Variants in HMGCLL1 observed in about 807,000 individuals in gnomAD.
HMGCLL1 encodes 3-hydroxymethyl-3-methylglutaryl-CoA lyase, cytoplasmic.
HMGCLL1 carries 36 observed loss-of-function variants against 39.1 expected under a neutral mutation model. The ratio of observed to expected loss-of-function variants is 0.92; its 90% CI spans 0.71 to 1.22. The LOEUF is 1.22. Among genes scored for constraint, HMGCLL1 ranks in the 50% most tolerant of loss-of-function variants. HMGCLL1 has a pLI of 0.00. For missense variants in HMGCLL1, 451 were observed against 416.5 expected (o/e 1.08, Z -0.72); for synonymous variants, 149 against 144.0 (o/e 1.03, Z -0.25).
chr6:55,656,766 C>A, the HMGCLL1 span, among the ~76,000 whole-genome samples: 3 of 151,914 alleles, frequency 2.0e-5, no homozygotes. Flanking sequence ...AGTTTCTGAA[C>A]ATAGTAATAA....
chr6:55,438,860 T>C (rs965280037), intron 8 of HMGCLL1, among the ~76,000 whole-genome samples: 1 of 152,090 alleles, frequency 6.6e-6, no homozygotes, highest in East Asian at 1.9e-4. Context: ...TTAACAATCA[T>C]AGGGCAAAAC....
chr6:55,602,772 G>T, the HMGCLL1 span, among the ~76,000 whole-genome samples: 1 of 152,064 alleles, frequency 6.6e-6, no homozygotes, highest in South Asian at 2.1e-4. Context: ...AAACCAATTG[G>T]AAATGCATCA....
chr6:55,474,177 T>C (rs1008518576), intron 7 of HMGCLL1, among the ~76,000 whole-genome samples: 2 of 151,588 alleles, frequency 1.3e-5, no homozygotes, highest in African/African-American at 2.4e-5. Flanking sequence ...CTGTCAACGA[T>C]TATTGCTTCA....
intron 7 of HMGCLL1, among the ~76,000 whole-genome samples, chr6:55,494,316 C>CGA (rs1031123878): frequency 1.5e-5 from 2 of 137,160 alleles, no homozygotes. Flanking sequence ...TACAGAGAAA[C>CGA]GAGAGAGAGA....
At chr6:55,460,165 T>C (rs1290988917) in intron 7 of HMGCLL1, among the ~76,000 whole-genome samples, 2 of 151,998 alleles carry the variant, frequency 1.3e-5, no homozygotes, top group Non-Finnish European at 2.9e-5. Context: ...AATATATAGC[T>C]GTGTTTTAGA....
intron 7 of HMGCLL1, among the ~76,000 whole-genome samples, chr6:55,453,190 T>A (rs945972799): frequency 6.6e-6 from 1 of 152,210 alleles, no homozygotes; most frequent in African/African-American, 2.4e-5. Flanking sequence ...GGTTTTGTTT[T>A]GTTTTTGAGA....
the HMGCLL1 span, among the ~76,000 whole-genome samples, chr6:55,667,012 T>G: frequency 4.7e-4 from 72 of 151,818 alleles, no homozygotes; most frequent in African/African-American, 1.6e-3. Flanking sequence ...TGAGTTTCCA[T>G]TGACCTTTGC....
chr6:55,653,784 A>G, the HMGCLL1 span, among the ~76,000 whole-genome samples: 1 of 151,848 alleles, frequency 6.6e-6, no homozygotes, highest in South Asian at 2.1e-4. Context: ...GGAAGAGCTG[A>G]CCCCGTAGAG....
chr6:55,503,797 T>G (rs1336642353), intron 5 of HMGCLL1, among the ~76,000 whole-genome samples: 1 of 151,712 alleles, frequency 6.6e-6, no homozygotes, highest in African/African-American at 2.4e-5. Flanking sequence ...CTAAGTCACT[T>G]GATGGTCACC....
At chr6:55,540,607 T>C (rs1769374308) in intron 3 of HMGCLL1, among the ~76,000 whole-genome samples, 1 of 152,130 alleles carries the variant, frequency 6.6e-6, no homozygotes, top group African/African-American at 2.4e-5. Flanking sequence ...TCTCCTGCTG[T>C]TTAAGTCACC....
chr6:55,449,533 G>C (rs1406948730), intron 7 of HMGCLL1, among the ~76,000 whole-genome samples: 1 of 152,180 alleles, frequency 6.6e-6, no homozygotes, highest in Non-Finnish European at 1.5e-5. Flanking sequence ...ATTTCGAAGT[G>C]TGTTTTTATA....
chr6:55,625,037 A>G, the HMGCLL1 span, among the ~76,000 whole-genome samples: 1 of 152,258 alleles, frequency 6.6e-6, no homozygotes, highest in South Asian at 2.1e-4. Flanking sequence ...TTGAGGTGTC[A>G]GTGGCAGATA....
At chr6:55,539,107 G>A (rs1185999175) in intron 3 of HMGCLL1, among the ~76,000 whole-genome samples, 1 of 152,110 alleles carries the variant, frequency 6.6e-6, no homozygotes, top group Non-Finnish European at 1.5e-5. Flanking sequence ...TGGACAAAGA[G>A]GCAGGACATG....
intron 7 of HMGCLL1, among the ~76,000 whole-genome samples, chr6:55,476,627 G>A (rs1161307601): frequency 2.0e-5 from 3 of 151,578 alleles, no homozygotes; most frequent in Admixed American, 6.6e-5. Context: ...CATCATTTGA[G>A]ATAATCACAA....
the HMGCLL1 span, among the ~76,000 whole-genome samples, chr6:55,602,270 T>A: frequency 6.6e-6 from 1 of 152,230 alleles, no homozygotes; most frequent in East Asian, 1.9e-4. Context: ...TTTTTGTTAA[T>A]GTTATTTACA....
intron 3 of HMGCLL1, among the ~76,000 whole-genome samples, chr6:55,538,510 T>C (rs964812160): frequency 6.6e-6 from 1 of 152,192 alleles, no homozygotes; most frequent in African/African-American, 2.4e-5. Flanking sequence ...GCTAGCATTT[T>C]ACAAATTGAC....
intron 1 of HMGCLL1, among the ~76,000 whole-genome samples, chr6:55,561,563 C>T (rs183707845): frequency 5.3e-5 from 8 of 152,216 alleles, no homozygotes; most frequent in Admixed American, 5.2e-4. Flanking sequence ...AACCAGCTCA[C>T]AGATGATGGT....
intron 7 of HMGCLL1, among the ~76,000 whole-genome samples, chr6:55,484,435 C>T (rs141741268): frequency 7.6e-4 from 116 of 152,082 alleles, no homozygotes; most frequent in African/African-American, 2.7e-3. Context: ...TTATTATATC[C>T]TCACTGAAGA....
At chr6:55,571,201 A>C (rs1771470029) in intron 1 of HMGCLL1, among the ~76,000 whole-genome samples, 2 of 152,194 alleles carry the variant, frequency 1.3e-5, no homozygotes, top group Admixed American at 1.3e-4. Context: ...TTTAACCTCA[A>C]GTAAAAATTA....
Sources: allele counts gnomAD v4.1 joint callset (sites outside exome capture counted in the v4.1 genomes callset), GRCh38; gene constraint gnomAD v4.1.1; transcripts MANE v1.5; gene names NCBI Gene and HGNC (gene_info 2026-07-23, HGNC 2026-07-21).